TAFA4: variants seen among roughly 807,000 people sequenced by gnomAD.
TAFA4 encodes chemokine-like protein TAFA-4.
A neutral mutation model predicts 21.1 loss-of-function variants in TAFA4; 20 were observed. The ratio of observed to expected loss-of-function variants is 0.95; its 90% CI spans 0.67 to 1.38. TAFA4 has a LOEUF of 1.38. TAFA4 is among the 40% of genes most tolerant of loss of function. The pLI is 0.00. For missense variants in TAFA4, 211 were observed against 180.9 expected (o/e 1.17, Z -0.95); for synonymous variants, 71 against 67.4 (o/e 1.05, Z -0.26).
At chr3:68,912,838 G>C (rs940476391) in intron 1 of TAFA4, among the ~76,000 whole-genome samples, 1 of 152,150 alleles carries the variant, frequency 6.6e-6, no homozygotes, top group Non-Finnish European at 1.5e-5. Context: ...GGAAAAAACT[G>C]AGTTTTCTAG....
intron 3 of TAFA4, among the ~76,000 whole-genome samples, chr3:68,801,570 GAA>G (rs1353880079): frequency 2.0e-5 from 3 of 152,160 alleles, no homozygotes; most frequent in African/African-American, 7.2e-5. Context: ...ATGTCACCCA[GAA>G]AGGCATTTTT....
chr3:68,909,460 G>GAATGAGTGAATGGCTCAATC (rs2089935666), intron 1 of TAFA4, among the ~76,000 whole-genome samples: 1 of 152,142 alleles, frequency 6.6e-6, no homozygotes, highest in Non-Finnish European at 1.5e-5. Flanking sequence ...TATATCTACT[G>GAATGAGTGAATGGCTCAATC]AATGAGTGAA....
chr3:68,861,617 G>A (rs906502291), intron 3 of TAFA4, among the ~76,000 whole-genome samples: 1 of 151,962 alleles, frequency 6.6e-6, no homozygotes, highest in Non-Finnish European at 1.5e-5. Flanking sequence ...TGTGCCAGAG[G>A]ACACAGAGAA....
At chr3:68,821,128 G>A (rs1704106067) in intron 3 of TAFA4, among the ~76,000 whole-genome samples, 1 of 152,114 alleles carries the variant, frequency 6.6e-6, no homozygotes, top group East Asian at 1.9e-4. Flanking sequence ...CTATAATAAT[G>A]TCTTCCATAC....
intron 3 of TAFA4, among the ~76,000 whole-genome samples, chr3:68,827,538 C>G (rs564229531): frequency 6.6e-6 from 1 of 152,302 alleles, no homozygotes; most frequent in African/African-American, 2.4e-5. Context: ...CACATCCTCT[C>G]CAGCATCTGT....
intron 3 of TAFA4, among the ~76,000 whole-genome samples, chr3:68,830,836 G>A (rs1704367082): frequency 1.3e-5 from 2 of 152,150 alleles, no homozygotes; most frequent in African/African-American, 4.8e-5. Context: ...TCTCTTTGTA[G>A]GTCTCTAAGG....
At chr3:68,912,229 G>A (rs2089967034) in intron 1 of TAFA4, among the ~76,000 whole-genome samples, 1 of 152,180 alleles carries the variant, frequency 6.6e-6, no homozygotes, top group Non-Finnish European at 1.5e-5. Flanking sequence ...TGAAACCACA[G>A]GGAAGACCTG....
At chr3:68,895,066 C>T (rs1047640693) in intron 1 of TAFA4, among the ~76,000 whole-genome samples, 1 of 151,976 alleles carries the variant, frequency 6.6e-6, no homozygotes, top group Non-Finnish European at 1.5e-5. Context: ...CGCCCAGGCT[C>T]GGCTTACTGC....
chr3:68,800,187 A>G (rs559673173), intron 3 of TAFA4, among the ~76,000 whole-genome samples: 1 of 152,170 alleles, frequency 6.6e-6, no homozygotes, highest in African/African-American at 2.4e-5. Context: ...GAATTATCCC[A>G]AAACCATCCT....
intron 3 of TAFA4, among the ~76,000 whole-genome samples, chr3:68,873,159 A>G (rs550803484): frequency 6.6e-6 from 1 of 152,216 alleles, no homozygotes; most frequent in East Asian, 1.9e-4. Flanking sequence ...TCACACACCT[A>G]TGAGGCATGC....
At chr3:68,920,590 T>C (rs999414805) in intron 1 of TAFA4, among the ~76,000 whole-genome samples, 2 of 151,758 alleles carry the variant, frequency 1.3e-5, no homozygotes, top group Admixed American at 1.3e-4. Flanking sequence ...AAGGGAGAGA[T>C]AGAAATGGGT....
At position 68,732,353 on chromosome 3, in the gene TAFA4, A is replaced by C. The variant is rs2106715116; in HGVS notation, c.*789T>G. The stretch of plus-strand genomic sequence containing the variant: ...TAAATTGAGATTGTTTTATATTTTA[A>C]ATGATTTACCTACATGACTACACAA... On this transcript the variant is annotated 3_prime_UTR_variant, in exon 6 of 6. Coordinates refer to ENST00000295569, the MANE Select transcript of TAFA4 (RefSeq NM_182522.5). 1 of 152,714 alleles carries C rather than the reference A, an allele frequency of 6.5e-6. No individual in the cohort carries two copies. The highest frequency in any genetic ancestry group is 2.1e-4 in the South Asian group (1 of 4,824). The allele number at this position is 152,714 out of a possible 1,614,324, so 9.5% of individuals were successfully genotyped here. A position where few individuals can be genotyped will look rare whatever the true frequency, so the allele number is the denominator to read the frequency against.
intron 3 of TAFA4, among the ~76,000 whole-genome samples, chr3:68,779,680 T>A (rs1703118830): frequency 1.3e-5 from 2 of 152,234 alleles, no homozygotes; most frequent in Admixed American, 6.5e-5. Flanking sequence ...GTTTGAGAAC[T>A]TCTGCCTAGA....
intron 3 of TAFA4, among the ~76,000 whole-genome samples, chr3:68,795,881 T>A (rs553365867): frequency 6.6e-6 from 1 of 152,274 alleles, no homozygotes; most frequent in Admixed American, 6.5e-5. Flanking sequence ...TTCAAACAGA[T>A]GTGGGTGTTG....
intron 3 of TAFA4, among the ~76,000 whole-genome samples, chr3:68,761,790 G>C (rs1702759021): frequency 6.6e-6 from 1 of 152,212 alleles, no homozygotes; most frequent in Admixed American, 6.5e-5. Flanking sequence ...TCCCTGGAAA[G>C]CTGGTGGTGG....
At chr3:68,778,220 C>T (rs1298072012) in intron 3 of TAFA4, among the ~76,000 whole-genome samples, 1 of 152,126 alleles carries the variant, frequency 6.6e-6, no homozygotes, top group East Asian at 1.9e-4. Context: ...CATGCAATCA[C>T]TCATACAGGT....
At chr3:68,795,897 T>G (rs113489998) in intron 3 of TAFA4, among the ~76,000 whole-genome samples, 5,160 of 152,322 alleles carry the variant, frequency 0.034, 287 homozygotes, top group African/African-American at 0.12. Context: ...TGTTGTGATC[T>G]AAGCCATATC....
At chr3:68,797,651 C>A (rs999712500) in intron 3 of TAFA4, among the ~76,000 whole-genome samples, 1 of 148,234 alleles carries the variant, frequency 6.7e-6, no homozygotes, top group African/African-American at 2.5e-5. Context: ...AGTTCTGACA[C>A]ATGCTACAAC....
At chr3:68,875,267 T>C (rs2089533427) in intron 3 of TAFA4, among the ~76,000 whole-genome samples, 2 of 151,794 alleles carry the variant, frequency 1.3e-5, no homozygotes, top group Admixed American at 1.3e-4. Context: ...TTTGTTCTCA[T>C]CTTTGGCTGC....
Sources: gnomAD v4.1 joint callset for allele counts (sites outside exome capture counted in the v4.1 genomes callset) on GRCh38, gnomAD v4.1.1 for gene constraint, MANE v1.5 for transcripts, NCBI Gene and HGNC (gene_info 2026-07-23, HGNC 2026-07-21) for gene names.